Variants in CDA observed in about 807,000 individuals in gnomAD.
The protein encoded by CDA is cytidine deaminase.
In CDA, 7 loss-of-function variants were observed where a neutral mutation model predicts 15.0. The observed-to-expected ratio is 0.47, with a 90% CI of 0.26 to 0.87. CDA has a LOEUF of 0.87. CDA is among the 40% of genes least tolerant of loss of function. CDA has a pLI of 0.15. For missense variants in CDA, 159 were observed against 182.7 expected (o/e 0.87, Z 0.75); for synonymous variants, 58 against 73.0 (o/e 0.79, Z 1.05).
intron 1 of CDA, among the ~76,000 whole-genome samples, chr1:20,593,926 AG>A (rs1323367740): frequency 1.4e-4 from 21 of 152,156 alleles, no homozygotes; most frequent in African/African-American, 3.6e-4. Flanking sequence ...GGTGCAGAAT[AG>A]GGGGTGGATG....
intron 2 of CDA, among the ~76,000 whole-genome samples, chr1:20,607,438 G>A (rs1236342818): frequency 6.6e-6 from 1 of 152,156 alleles, no homozygotes; most frequent in Non-Finnish European, 1.5e-5. Flanking sequence ...GATAGGCCAA[G>A]ATCAGGATGT....
At chr1:20,595,349 C>T (rs1442337266) in intron 1 of CDA, among the ~76,000 whole-genome samples, 1 of 130,830 alleles carries the variant, frequency 7.6e-6, no homozygotes, top group Admixed American at 8.2e-5. Context: ...TCCCTCAAAC[C>T]ACCCCCTGCT....
intron 3 of CDA, among the ~76,000 whole-genome samples, chr1:20,617,984 A>C (rs1007903714): frequency 6.6e-6 from 1 of 152,080 alleles, no homozygotes; most frequent in Non-Finnish European, 1.5e-5. Flanking sequence ...GGCGTGCGCC[A>C]CAACACCCGG....
At chr1:20,600,531 G>A (rs534798960) in intron 1 of CDA, among the ~76,000 whole-genome samples, 208 of 152,132 alleles carry the variant, frequency 1.4e-3, no homozygotes, top group African/African-American at 4.8e-3. Flanking sequence ...CGAGCTGGGC[G>A]GATCACTTGA....
intron 3 of CDA, among the ~76,000 whole-genome samples, chr1:20,617,966 G>A (rs1360608949): frequency 6.6e-6 from 1 of 151,992 alleles, no homozygotes; most frequent in East Asian, 1.9e-4. Flanking sequence ...AAAAGTGCTG[G>A]GAGTACAGGC....
chr1:20,606,880 G>A (rs2052699449), intron 2 of CDA, among the ~76,000 whole-genome samples: 1 of 152,164 alleles, frequency 6.6e-6, no homozygotes, highest in African/African-American at 2.4e-5. Context: ...CTCCATTATT[G>A]AATGACTTAA....
At chr1:20,610,458 G>A (rs1351196734) in intron 2 of CDA, among the ~76,000 whole-genome samples, 3 of 151,710 alleles carry the variant, frequency 2.0e-5, no homozygotes, top group Admixed American at 6.6e-5. Flanking sequence ...CTGCCACCAC[G>A]CCCGGCTAAT....
At position 20,610,271 on chromosome 1, in the gene CDA, T is replaced by TA. The variant is rs1553143450; in HGVS notation, c.267-3571_267-3570insA. 2.4e-3 allele frequency among the ~76,000 whole-genome samples: 346 copies of TA among 141,952 alleles called. 8 individuals are homozygous for TA. Among genetic ancestry groups the TA allele is most frequent in the South Asian group, 3.5e-3 (16 of 4,582 alleles). The allele number at this position is 141,952 out of a possible 152,430, so 93.1% of individuals were successfully genotyped here. A position where few individuals can be genotyped will look rare whatever the true frequency, so the allele number is the denominator to read the frequency against. ...CTAGGCACACATTATCTTTTTTTTTTTTATTTTATTTTATTTTTATTTTTA... is the reference window on the plus strand; with the variant it reads ...CTAGGCACACATTATCTTTTTTTTTTATTATTTTATTTTATTTTTATTTTTA... On this transcript the variant is annotated intron_variant, in intron 2 of 3. Transcript: ENST00000375071.
At chr1:20,595,434 C>T (rs1245131225) in intron 1 of CDA, among the ~76,000 whole-genome samples, 2 of 152,126 alleles carry the variant, frequency 1.3e-5, no homozygotes, top group African/African-American at 2.4e-5. Context: ...GTGCCTGACA[C>T]CAGCCCCTCT....
intron 3 of CDA, among the ~76,000 whole-genome samples, chr1:20,614,916 C>T (rs1447329379): frequency 2.0e-5 from 3 of 151,816 alleles, no homozygotes; most frequent in South Asian, 2.1e-4. Flanking sequence ...GGCTGGAGTG[C>T]AGTGGTAGAG....
At chr1:20,608,220 A>G (rs1344040717) in intron 2 of CDA, among the ~76,000 whole-genome samples, 1 of 152,156 alleles carries the variant, frequency 6.6e-6, no homozygotes, top group Non-Finnish European at 1.5e-5. Context: ...CTTCAGGGTC[A>G]GTGAAACCAG....
chr1:20,600,548 G>A (rs2052633931), intron 1 of CDA, among the ~76,000 whole-genome samples: 1 of 152,066 alleles, frequency 6.6e-6, no homozygotes, highest in Non-Finnish European at 1.5e-5. Flanking sequence ...TTGAGGTCAG[G>A]AGTTCAAGAC....
In CDA at chr1:20,618,753, A is replaced by G. The variant is rs997409652; in HGVS notation, c.*185A>G. 8.5e-6 allele frequency: 5 copies of G among 589,680 alleles called. No individual in the cohort carries two copies. The highest frequency in any genetic ancestry group is 8.4e-5 in the African/African-American group (4 of 47,570). The allele number at this position is 589,680 out of a possible 1,614,324, so 36.5% of individuals were successfully genotyped here. On this transcript the variant is annotated 3_prime_UTR_variant, in exon 4 of 4. Transcript: ENST00000375071. The stretch of plus-strand genomic sequence containing the variant: ...AGCAACCTGCCTTGGGACTTAGAAC[A>G]CCGCCGCCCCCTGCCCCACCTTTCC...
At chr1:20,598,495 C>T (rs139102804) in intron 1 of CDA, among the ~76,000 whole-genome samples, 36 of 152,298 alleles carry the variant, frequency 2.4e-4, no homozygotes, top group African/African-American at 7.9e-4. Flanking sequence ...CAGCACAAAA[C>T]GGACTAAAAC....
intron 2 of CDA, among the ~76,000 whole-genome samples, chr1:20,606,990 C>A (rs577841437): frequency 6.6e-6 from 1 of 152,264 alleles, no homozygotes; most frequent in East Asian, 1.9e-4. Context: ...TGATCCCACC[C>A]AGAAGGAGGC....
Position 20,612,910 on chromosome 1 carries a change from T to A in CDA, c.267-932T>A, listed in dbSNP as rs998223325. 1.9e-4 allele frequency among the ~76,000 whole-genome samples: 23 copies of A among 120,836 alleles called. No individual in the cohort carries two copies. The Admixed American group carries it at 2.0e-3, about 10-fold the overall frequency. The allele number at this position is 120,836 out of a possible 152,430, so 79.3% of individuals were successfully genotyped here. A position where few individuals can be genotyped will look rare whatever the true frequency, so the allele number is the denominator to read the frequency against. On this transcript the variant is annotated intron_variant, in intron 2 of 3. Coordinates refer to ENST00000375071, the MANE Select transcript of CDA (RefSeq NM_001785.3). ...GTGAGCCAAGATCACGCCACTGCACTCCAGCCTGGGTAACAGAGCGAGACT... is the reference window on the plus strand; with the variant it reads ...GTGAGCCAAGATCACGCCACTGCACACCAGCCTGGGTAACAGAGCGAGACT...
intron 3 of CDA, 116 bp from the exon 4 acceptor site, chr1:20,618,336 G>A: frequency 1.4e-6 from 1 of 710,820 alleles, no homozygotes; most frequent in South Asian, 1.5e-5. Context: ...TTACAGATGA[G>A]AAAATCAAGG....
At chr1:20,594,955 A>G (rs894265877) in intron 1 of CDA, among the ~76,000 whole-genome samples, 2 of 152,060 alleles carry the variant, frequency 1.3e-5, no homozygotes, top group African/African-American at 4.8e-5. Context: ...CTGTAACCCT[A>G]GGGGCACTGC....
chr1:20,592,602 A>C (rs1404147491), intron 1 of CDA, among the ~76,000 whole-genome samples: 1 of 152,218 alleles, frequency 6.6e-6, no homozygotes, highest in Non-Finnish European at 1.5e-5. Flanking sequence ...GAACAGTGTC[A>C]GGGTACAGTA....
Sources: allele counts gnomAD v4.1 joint callset (sites outside exome capture counted in the v4.1 genomes callset), GRCh38; gene constraint gnomAD v4.1.1; transcripts MANE v1.5; gene names NCBI Gene and HGNC (gene_info 2026-07-23, HGNC 2026-07-21).